Variants in CNTN3 observed in about 807,000 individuals in gnomAD.
The protein encoded by CNTN3 is contactin 3.
Under a neutral mutation model 119.1 loss-of-function variants are expected in CNTN3, and 60 were observed. That is an observed-to-expected ratio of 0.50 (90% CI 0.41 to 0.62). The LOEUF is 0.62. Among genes scored for constraint, CNTN3 ranks in the 20% least tolerant of loss-of-function variants. The pLI is 0.00. For missense variants in CNTN3, 1,101 were observed against 1,242.4 expected (o/e 0.89, Z 1.71); for synonymous variants, 450 against 438.7 (o/e 1.03, Z -0.32).
chr3:74,364,720 G>T, intron 9 of CNTN3, 124 bp from the exon 10 acceptor site: 1 of 711,804 alleles, frequency 1.4e-6, no homozygotes, highest in Non-Finnish European at 2.2e-6. Context: ...AGACAGGATG[G>T]CCTGAAATTT....
intron 5 of CNTN3, among the ~76,000 whole-genome samples, chr3:74,410,972 C>A (rs1701429045): frequency 6.6e-6 from 1 of 152,044 alleles, no homozygotes; most frequent in African/African-American, 2.4e-5. Flanking sequence ...TAAATTCAGG[C>A]AACTGACTCT....
chr3:74,495,855 A>C (rs987352922), intron 3 of CNTN3, among the ~76,000 whole-genome samples: 5 of 152,054 alleles, frequency 3.3e-5, no homozygotes, highest in Non-Finnish European at 7.4e-5. Flanking sequence ...CACTCTATTA[A>C]AATTGTTTAC....
At chr3:74,513,256 C>T (rs565950202) in intron 2 of CNTN3, among the ~76,000 whole-genome samples, 3 of 152,204 alleles carry the variant, frequency 2.0e-5, no homozygotes, top group East Asian at 1.9e-4. Flanking sequence ...AAACTTTAAT[C>T]GTACCAGTGC....
chr3:74,349,799 C>T (rs1254882709), intron 11 of CNTN3, among the ~76,000 whole-genome samples: 1 of 152,078 alleles, frequency 6.6e-6, no homozygotes, highest in African/African-American at 2.4e-5. Flanking sequence ...GATTTTTGGG[C>T]CTGAGTGAGA....
At chr3:74,476,296 A>G (rs1183757003) in intron 4 of CNTN3, among the ~76,000 whole-genome samples, 1 of 152,188 alleles carries the variant, frequency 6.6e-6, no homozygotes, top group Non-Finnish European at 1.5e-5. Context: ...CAGTGTTAGC[A>G]GTGACTTTAT....
At chr3:74,355,998 C>A (rs891145259) in intron 11 of CNTN3, among the ~76,000 whole-genome samples, 1 of 151,992 alleles carries the variant, frequency 6.6e-6, no homozygotes, top group African/African-American at 2.4e-5. Context: ...CTGAATATGT[C>A]CCTCCAAAAT....
intron 13 of CNTN3, among the ~76,000 whole-genome samples, chr3:74,311,198 C>T (rs1702677351): frequency 6.6e-6 from 1 of 152,124 alleles, no homozygotes; most frequent in African/African-American, 2.4e-5. Context: ...AGGAGAGTTG[C>T]TCCCAAAGAG....
At chr3:74,410,245 C>A (rs1701416072) in intron 5 of CNTN3, among the ~76,000 whole-genome samples, 1 of 152,120 alleles carries the variant, frequency 6.6e-6, no homozygotes, top group African/African-American at 2.4e-5. Flanking sequence ...CTGCCCTCTG[C>A]CTAACCTGTG....
intron 1 of CNTN3, among the ~76,000 whole-genome samples, chr3:74,609,276 G>C (rs1322943427): frequency 6.6e-6 from 1 of 152,194 alleles, no homozygotes; most frequent in African/African-American, 2.4e-5. Context: ...CAAGGGGTCG[G>C]CCTCATGGAT....
intron 1 of CNTN3, among the ~76,000 whole-genome samples, chr3:74,559,002 A>ATAATAATAG (rs1435071857): frequency 6.6e-6 from 1 of 150,432 alleles, no homozygotes; most frequent in Admixed American, 6.6e-5. Flanking sequence ...AATAATAATA[A>ATAATAATAG]TAATAGTAAC....
intron 13 of CNTN3, among the ~76,000 whole-genome samples, chr3:74,317,544 A>G (rs1702866824): frequency 6.6e-6 from 1 of 151,856 alleles, no homozygotes; most frequent in Admixed American, 6.6e-5. Flanking sequence ...TGGTGACAAA[A>G]TCTCTCAGCA....
At chr3:74,362,488 T>A (rs575372973) in intron 10 of CNTN3, among the ~76,000 whole-genome samples, 2 of 152,302 alleles carry the variant, frequency 1.3e-5, no homozygotes, top group South Asian at 4.1e-4. Context: ...TACATATGCA[T>A]GTATCAAGTT....
At chr3:74,605,206 T>A (rs532364628) in intron 1 of CNTN3, among the ~76,000 whole-genome samples, 37 of 152,150 alleles carry the variant, frequency 2.4e-4, no homozygotes, top group African/African-American at 8.2e-4. Flanking sequence ...GAAGAATAAG[T>A]TCAAGAGATC....
rs539746120 is a variant in CNTN3, at chr3:74,451,677, G to C, written c.359-26737C>G. ...AACGTTTAAGTCTTTAATCCATCTT[G>C]AATTGATTTTTGTATAAGGTGTAAG... On this transcript the variant is annotated intron_variant, in intron 4 of 22. Transcript: ENST00000263665. Among the ~76,000 whole-genome samples the C allele has an allele frequency of 2.2e-4, 33 of 151,666 alleles. No individual in the cohort carries two copies. In the East Asian group the frequency reaches 6.2e-3, roughly 28 times the overall value.
chr3:74,360,305 T>C (rs190509607), intron 11 of CNTN3, among the ~76,000 whole-genome samples: 1 of 152,294 alleles, frequency 6.6e-6, no homozygotes, highest in African/African-American at 2.4e-5. Flanking sequence ...TTGGACTCTA[T>C]GACTTCAATG....
intron 1 of CNTN3, among the ~76,000 whole-genome samples, chr3:74,539,403 C>G (rs1321207509): frequency 1.3e-5 from 2 of 152,074 alleles, no homozygotes; most frequent in Non-Finnish European, 1.5e-5. Context: ...GAGGGAAGTA[C>G]TATGACTATT....
At chr3:74,281,759 C>T (rs1179708931) in intron 20 of CNTN3, among the ~76,000 whole-genome samples, 3 of 152,034 alleles carry the variant, frequency 2.0e-5, no homozygotes, top group Admixed American at 6.6e-5. Context: ...GAAACTGAAA[C>T]ATTGGAGTGG....
chr3:74,590,853 T>C (rs1704689981), intron 1 of CNTN3, among the ~76,000 whole-genome samples: 1 of 151,996 alleles, frequency 6.6e-6, no homozygotes, highest in South Asian at 2.1e-4. Flanking sequence ...ACACCTTCAA[T>C]GGGAACCCAG....
At chr3:74,483,035 G>A (rs1164868890) in intron 4 of CNTN3, among the ~76,000 whole-genome samples, 3 of 152,024 alleles carry the variant, frequency 2.0e-5, no homozygotes, top group Non-Finnish European at 4.4e-5. Flanking sequence ...CCAGTCCAAT[G>A]TGGTGTCAGG....
Sources: gnomAD v4.1 joint callset for allele counts (sites outside exome capture counted in the v4.1 genomes callset) on GRCh38, gnomAD v4.1.1 for gene constraint, MANE v1.5 for transcripts, NCBI Gene and HGNC (gene_info 2026-07-23, HGNC 2026-07-21) for gene names.